Variants in UBE2L3 observed in about 807,000 individuals in gnomAD.
The protein encoded by UBE2L3 is ubiquitin conjugating enzyme E2 L3.
Under a neutral mutation model 17.8 loss-of-function variants are expected in UBE2L3, and 1 was observed. The ratio of observed to expected loss-of-function variants is 0.06; its 90% CI spans 0.02 to 0.27. The LOEUF (loss-of-function observed/expected upper bound fraction) is 0.27. Ranked by LOEUF, UBE2L3 falls within the 10% of genes least tolerant of loss-of-function variation. UBE2L3 has a pLI of 1.00. For synonymous variants in UBE2L3, 44 were observed against 68.5 expected, an observed-to-expected ratio of 0.64 and a Z score of 1.76; for missense variants, 40 against 192.6, an observed-to-expected ratio of 0.21 and a Z score of 4.69.
intron 1 of UBE2L3, among the ~76,000 whole-genome samples, chr22:21,570,028 ACTC>A (rs60064836): frequency 6.6e-6 from 1 of 152,082 alleles, no homozygotes; most frequent in African/African-American, 2.4e-5. Context: ...AGTGCCAACT[ACTC>A]TGTGAGCCCG....
At chr22:21,612,880 A>G (rs1053870812) in intron 3 of UBE2L3, among the ~76,000 whole-genome samples, 1 of 149,376 alleles carries the variant, frequency 6.7e-6, no homozygotes, top group Non-Finnish European at 1.5e-5. Flanking sequence ...TAGGTGATCC[A>G]CCTGCCTCAG....
chr22:21,567,623 GGTGCTCCGCTCTGCTCCT>G, upstream of UBE2L3: 1 of 1,534,892 alleles, frequency 6.5e-7, no homozygotes, highest in Non-Finnish European at 8.8e-7. Context: ...GCACACAGTA[GGTGCTCCGCTCTGCTCCT>G]GTGCCCCGCC....
At chr22:21,555,966 G>A (rs1261732713) in intron 1 of UBE2L3, among the ~76,000 whole-genome samples, 1 of 152,220 alleles carries the variant, frequency 6.6e-6, no homozygotes, top group Non-Finnish European at 1.5e-5. Flanking sequence ...CCAGAATGGT[G>A]TCTTAAGCCT....
Position 21,559,917 on chromosome 22 carries a change from C to T in UBE2L3, c.201+10267C>T, listed in dbSNP as rs131648. Among the ~76,000 whole-genome samples the T allele has an allele frequency of 0.012, 1,751 of 152,106 alleles. 49 individuals are homozygous for T. In the South Asian group the frequency reaches 0.12, roughly 10 times the overall value. On this transcript the variant is annotated intron_variant, in intron 1 of 3. Transcript: ENST00000458578. ...TGGGGCTGGATACCTGGAGAGGGAC[C>T]GTGCTGCTCTTCCTGGGCCCTGCAG...
chr22:21,606,303 CGTGTGTGTGGTATGT>C (rs1929158175), intron 2 of UBE2L3, among the ~76,000 whole-genome samples: 2 of 132,798 alleles, frequency 1.5e-5, no homozygotes, highest in Non-Finnish European at 3.3e-5. Context: ...TGCGCGCGCG[CGTGTGTGTGGTATGT>C]GTGTGTGTGT....
rs541908677 is a variant in UBE2L3 at position 21,592,634 on chromosome 22, G to A, written c.28-227G>A. On this transcript the variant is annotated intron_variant, in intron 1 of 3. Coordinates refer to ENST00000342192, the MANE Select transcript of UBE2L3 (RefSeq NM_003347.4). Reference sequence around the variant, plus strand: ...CCTATTCAGGGGGGTTCACTGAGGTGGGGGCTTGTCTTGGTCTGGGGCATG... The same window carrying A: ...CCTATTCAGGGGGGTTCACTGAGGTAGGGGCTTGTCTTGGTCTGGGGCATG... 2.0e-5 allele frequency among the ~76,000 whole-genome samples: 3 copies of A among 152,290 alleles called. No homozygotes were observed. In the East Asian group the frequency reaches 5.8e-4, roughly 29 times the overall value.
intron 1 of UBE2L3, among the ~76,000 whole-genome samples, chr22:21,571,661 C>A (rs1009565684): frequency 6.6e-6 from 1 of 152,152 alleles, no homozygotes; most frequent in African/African-American, 2.4e-5. Flanking sequence ...CGAGGCCTCC[C>A]GAAGTGCTGG....
chr22:21,565,386 C>T (rs1926591897), upstream of UBE2L3, among the ~76,000 whole-genome samples: 1 of 151,784 alleles, frequency 6.6e-6, no homozygotes, highest in African/African-American at 2.4e-5. Flanking sequence ...ACCACCACAC[C>T]CGGCCCCAGG....
chr22:21,616,477 CGTCCCTACTAAAAATA>C (rs1929780344), intron 3 of UBE2L3, among the ~76,000 whole-genome samples: 1 of 151,958 alleles, frequency 6.6e-6, no homozygotes. Flanking sequence ...GGTGAAACCC[CGTCCCTACTAAAAATA>C]CAAAAAAAAT....
At chr22:21,587,930 G>T (rs1484511189) in intron 1 of UBE2L3, among the ~76,000 whole-genome samples, 2 of 152,144 alleles carry the variant, frequency 1.3e-5, no homozygotes, top group East Asian at 3.9e-4. Context: ...GTCTACTTGG[G>T]CTCCGAAGTG....
At chr22:21,618,330 G>A (rs886099761) in intron 3 of UBE2L3, among the ~76,000 whole-genome samples, 7 of 151,854 alleles carry the variant, frequency 4.6e-5, no homozygotes, top group Non-Finnish European at 7.4e-5. Context: ...TTTGGGAGGC[G>A]GAGGCAGGTG....
chr22:21,571,681 T>C (rs1182824962), intron 1 of UBE2L3, among the ~76,000 whole-genome samples: 1 of 152,136 alleles, frequency 6.6e-6, no homozygotes, highest in Non-Finnish European at 1.5e-5. Context: ...GGATTACAGG[T>C]GTGAGCCACT....
intron 1 of UBE2L3, among the ~76,000 whole-genome samples, chr22:21,584,542 C>T (rs1927829366): frequency 6.6e-6 from 1 of 151,924 alleles, no homozygotes; most frequent in Non-Finnish European, 1.5e-5. Context: ...CTCACTCTGT[C>T]ACCCAGACTG....
chr22:21,560,254 C>G (rs1484418891), intron 1 of UBE2L3, among the ~76,000 whole-genome samples: 1 of 152,142 alleles, frequency 6.6e-6, no homozygotes, highest in Non-Finnish European at 1.5e-5. Flanking sequence ...TGAACTGGTG[C>G]TTGCAGGGTC....
At chr22:21,598,725 G>A (rs1365489966) in intron 2 of UBE2L3, among the ~76,000 whole-genome samples, 1 of 151,344 alleles carries the variant, frequency 6.6e-6, no homozygotes, top group African/African-American at 2.4e-5. Context: ...TAATAAATGG[G>A]TTCTCCCTGT....
At chr22:21,588,641 G>A (rs1385629852) in intron 1 of UBE2L3, among the ~76,000 whole-genome samples, 1 of 150,982 alleles carries the variant, frequency 6.6e-6, no homozygotes, top group African/African-American at 2.4e-5. Flanking sequence ...CACCATGCCT[G>A]GCTACTTTTT....
intron 3 of UBE2L3, 131 bp from the exon 4 acceptor site, chr22:21,621,384 G>A: frequency 8.4e-7 from 1 of 1,193,220 alleles, no homozygotes; most frequent in Non-Finnish European, 1.1e-6. Flanking sequence ...ATAGGAGGCA[G>A]CTTTGGCTTA....
At chr22:21,600,556 C>T (rs1191622793) in intron 2 of UBE2L3, among the ~76,000 whole-genome samples, 1 of 151,782 alleles carries the variant, frequency 6.6e-6, no homozygotes, top group African/African-American at 2.4e-5. Context: ...ATTAGCCGGG[C>T]GTGGTGGCAG....
chr22:21,619,148 G>C (rs1210643643), intron 3 of UBE2L3, among the ~76,000 whole-genome samples: 1 of 152,188 alleles, frequency 6.6e-6, no homozygotes, highest in South Asian at 2.1e-4. Flanking sequence ...AGAACAGCCA[G>C]GAAAAGGGAG....
Sources: allele counts gnomAD v4.1 joint callset (sites outside exome capture counted in the v4.1 genomes callset), GRCh38; gene constraint gnomAD v4.1.1; transcripts MANE v1.5; gene names NCBI Gene and HGNC (gene_info 2026-07-23, HGNC 2026-07-21).